The following MUC12 variants were observed in gnomAD, a reference collection of about 807,000 sequenced individuals.
MUC12 encodes the protein mucin 12, cell surface associated.
A neutral mutation model predicts 230.8 loss-of-function variants in MUC12; 172 were observed. The ratio of observed to expected loss-of-function variants is 0.75; its 90% CI spans 0.66 to 0.85. The LOEUF is 0.85. MUC12 is among the 40% of genes least tolerant of loss of function. The pLI, the probability that MUC12 is intolerant of heterozygous loss-of-function variation, is 0.00. For missense variants in MUC12, 3,506 were observed against 5,920.6 expected (o/e 0.59, Z 13.38); for synonymous variants, 1,259 against 2,401.9 (o/e 0.52, Z 13.91).
chr7:101,003,169 T>C lies in MUC12; in HGVS notation c.12606T>C (p.Leu4202=), dbSNP rs78185556. ...YSSPRSPDTT[L]SPASTTSSGV... ...GCCCCAGATCACCGGACACAACACT[T>C]TCACCTGCCAGCACGACAAGCTCAG... is the stretch of plus-strand genomic sequence containing the variant. The change falls in exon 2 of 12, where the codon CTT becomes CTC. Residue 4202 remains leucine (L), a synonymous_variant. Transcript: ENST00000536621. 298,646 of 804,282 alleles carry C rather than the reference T, an allele frequency of 0.37. 133,291 individuals are homozygous for C. The highest frequency in any genetic ancestry group is 0.7 in the Admixed American group (26,178 of 37,300). The allele number at this position is 804,282 out of a possible 1,614,324, so 49.8% of individuals were successfully genotyped here.
At chr7:100,977,175 C>T (rs536773301) in intron 1 of MUC12, among the ~76,000 whole-genome samples, 17 of 150,224 alleles carry the variant, frequency 1.1e-4, no homozygotes, top group African/African-American at 4.1e-4. Flanking sequence ...TTACCACTTG[C>T]TATAATTGGG....
chr7:101,015,239 A>C, intron 9 of MUC12: 1 of 240,948 alleles, frequency 4.2e-6, no homozygotes, highest in South Asian at 6.5e-5. Context: ...GGAAGCTGAG[A>C]TGGAGCGTCT....
chr7:101,008,261 G>A (rs993366012), intron 3 of MUC12, among the ~76,000 whole-genome samples: 2 of 152,094 alleles, frequency 1.3e-5, no homozygotes, highest in Middle Eastern at 3.4e-3. Context: ...CGAGTAGCTG[G>A]GACTACAGGC....
chr7:100,977,525 C>G (rs1302392593), intron 1 of MUC12, among the ~76,000 whole-genome samples: 1 of 152,028 alleles, frequency 6.6e-6, no homozygotes, highest in East Asian at 1.9e-4. Flanking sequence ...GCCACCACGC[C>G]CGGCTAAGTT....
rs1286750406 is a variant in MUC12 at position 101,005,264 on chromosome 7, A to G, written c.14701A>G (p.Ile4901Val). The G allele has an allele frequency of 6.5e-7, 1 of 1,537,820 alleles. No homozygotes were observed. Among genetic ancestry groups the G allele is most frequent in the Admixed American group, 2.0e-5 (1 of 51,008 alleles). Reference sequence around the variant, plus strand: ...ACCTGCCACCCTCACAACCACAGACATTGGTCAGGAATCAACAGCCTTCCA... The same window carrying G: ...ACCTGCCACCCTCACAACCACAGACGTTGGTCAGGAATCAACAGCCTTCCA... ...VLPATLTTTDIGQESTAFHSS... is the reference protein window; with the variant it reads ...VLPATLTTTDVGQESTAFHSS... Residue 4901 changes from isoleucine (I) to valine (V), a missense_variant, in exon 2 of 12, where the codon ATT (isoleucine) becomes GTT (valine). By Grantham distance (29) the Ile-to-Val change is conservative (BLOSUM62 3). Coordinates refer to ENST00000536621, the MANE Select transcript of MUC12 (RefSeq NM_001164462.2).
At position 100,990,683 on chromosome 7, in the gene MUC12, C is replaced by A. The variant is rs1319806710; in HGVS notation, c.120C>A (p.Pro40=). 2.6e-6 allele frequency: 4 copies of A among 1,537,650 alleles called. No homozygotes were observed. The highest frequency in any genetic ancestry group is 3.9e-5 in the Admixed American group (2 of 50,982). Residue 40 remains proline, a synonymous_variant, in exon 2 of 12, where the codon CCC becomes CCA. Transcript: ENST00000536621. ...GTAATACAACTTCTGCATCCACACC[C>A]AGTTCAAGCGACCCTTTTACCACCT... ...IGGNTTSAST[P]SSSDPFTTFS...
chr7:101,013,835 T>G (rs894238402), intron 8 of MUC12, 78 bp from the exon 9 acceptor site: 3 of 1,432,958 alleles, frequency 2.1e-6, no homozygotes, highest in Admixed American at 2.3e-5. Context: ...TTCCTGTGCT[T>G]AGGAGAGTGG....
intron 5 of MUC12, among the ~76,000 whole-genome samples, chr7:101,011,038 C>G (rs1302371329): frequency 2.0e-5 from 3 of 151,974 alleles, no homozygotes; most frequent in Admixed American, 6.6e-5. Flanking sequence ...TGGCTCAGGT[C>G]GGGGGTGAGG....
chr7:100,974,999 C>T (rs1167705494), intron 1 of MUC12, among the ~76,000 whole-genome samples: 5 of 152,304 alleles, frequency 3.3e-5, no homozygotes, highest in Admixed American at 2.6e-4. Context: ...AGGACAGGAG[C>T]CTCTCTTTGG....
At position 100,997,133 on chromosome 7, in the gene MUC12, C is replaced by G; in HGVS notation, c.6570C>G (p.Ser2190Arg). 1 of 267,256 alleles carries G rather than the reference C, an allele frequency of 3.7e-6. No homozygotes were observed. Among genetic ancestry groups the G allele is most frequent in the Non-Finnish European group, 5.3e-6 (1 of 188,862 alleles). 16.6% of individuals were successfully genotyped at this position (267,256 alleles called of 1,614,324 possible). The change falls in exon 2 of 12, where the codon AGC becomes AGG. Residue 2190 changes from serine to arginine, a missense_variant. Ser to Arg is a moderately radical substitution (Grantham distance 110). Coordinates refer to ENST00000536621, the MANE Select transcript of MUC12 (RefSeq NM_001164462.2). Reference protein sequence around the residue: ...LSEASTTFYSSPRSPTTTLSP... With the variant: ...LSEASTTFYSRPRSPTTTLSP... ...AGGCATCTACCACCTTCTACAGCAG[C>G]CCCAGATCACCAACCACAACACTCT... is the stretch of plus-strand genomic sequence containing the variant.
chr7:101,015,765 G>T, intron 10 of MUC12, 74 bp downstream of exon 10: 3 of 1,358,904 alleles, frequency 2.2e-6, no homozygotes, highest in South Asian at 2.6e-5. Flanking sequence ...CTGTGCCTGT[G>T]GGGGTGACGT....
rs1373582223 is a variant in MUC12, at chr7:101,005,380, C to T, written c.14817C>T (p.Ser4939=). The change falls in exon 2 of 12, where the codon AGC becomes AGT. Residue 4939 remains serine, a synonymous_variant. Coordinates refer to ENST00000536621, the MANE Select transcript of MUC12 (RefSeq NM_001164462.2). ...LVGEPTTFYI[S]PSPTYTTLFP... ...GAGAACCTACAACTTTCTACATCAG[C>T]CCATCCCCTACTTACACAACACTCT... is the stretch of plus-strand genomic sequence containing the variant. 1 of 1,537,880 alleles carries T rather than the reference C, an allele frequency of 6.5e-7. No individual in the cohort carries two copies.
Position 100,990,712 on chromosome 7 carries a change from G to A in MUC12, c.149G>A (p.Ser50Asn), listed in dbSNP as rs1208259717. The change falls in exon 2 of 12, where the codon AGT (serine) becomes AAT (asparagine). Residue 50 changes from serine to asparagine, a missense_variant. By Grantham distance (46) the Ser-to-Asn change is conservative (BLOSUM62 1). Coordinates refer to ENST00000536621, the MANE Select transcript of MUC12 (RefSeq NM_001164462.2). ...TCAAGCGACCCTTTTACCACCTTTA[G>A]TGACTATGGGGTGTCAGTCACATTT... ...PSSSDPFTTF[S>N]DYGVSVTFIT... 6.5e-7 allele frequency: 1 copy of A among 1,537,838 alleles called. No individual in the cohort carries two copies. Among genetic ancestry groups the A allele is most frequent in the Admixed American group, 2.0e-5 (1 of 50,988 alleles).
chr7:100,975,857 C>T lies in MUC12; in HGVS notation c.67+6168C>T, dbSNP rs73712024. On this transcript the variant is annotated intron_variant, in intron 1 of 11. Coordinates refer to ENST00000536621, the MANE Select transcript of MUC12 (RefSeq NM_001164462.2). Reference sequence around the variant, plus strand: ...TGGGATATTGGTAATCAGATTCCCTCGGGAAGATCAAATCTTGGGGTGGTA... The same window carrying T: ...TGGGATATTGGTAATCAGATTCCCTTGGGAAGATCAAATCTTGGGGTGGTA... Among the ~76,000 whole-genome samples the T allele has an allele frequency of 1.8e-4, 28 of 152,416 alleles. No individual in the cohort carries two copies. In the South Asian group the frequency reaches 5.0e-3, roughly 27 times the overall value.
chr7:100,974,664 A>G (rs1792987673), intron 1 of MUC12, among the ~76,000 whole-genome samples: 1 of 152,210 alleles, frequency 6.6e-6, no homozygotes, highest in Non-Finnish European at 1.5e-5. Flanking sequence ...TGCAAAAAAT[A>G]CCAGAAAAAA....
At chr7:100,982,582 A>G (rs1793125312) in intron 1 of MUC12, among the ~76,000 whole-genome samples, 1 of 151,790 alleles carries the variant, frequency 6.6e-6, no homozygotes, top group Non-Finnish European at 1.5e-5. Context: ...GACTACAGGG[A>G]CACAGCACCA....
In MUC12 at chr7:100,995,802, A is replaced by C. The variant is rs1366796909; in HGVS notation, c.5239A>C (p.Ser1747Arg). ...RSEESTTVHSSPVATATTPSP... is the reference protein window; with the variant it reads ...RSEESTTVHSRPVATATTPSP... ...TGAGGAATCGACAACAGTCCACAGCAGCCCAGTTGCAACTGCAACAACACC... is the reference window on the plus strand; with the variant it reads ...TGAGGAATCGACAACAGTCCACAGCCGCCCAGTTGCAACTGCAACAACACC... Residue 1747 changes from serine to arginine, a missense_variant, in exon 2 of 12, where the codon AGC becomes CGC. Physicochemically the swap from Ser to Arg is moderately radical, Grantham distance 110 (BLOSUM62 -1). Coordinates refer to ENST00000536621, the MANE Select transcript of MUC12 (RefSeq NM_001164462.2). The C allele has an allele frequency of 6.7e-7, 1 of 1,503,100 alleles. No individual in the cohort carries two copies. The highest frequency in any genetic ancestry group is 2.5e-5 in the East Asian group (1 of 40,314). 93.1% of individuals were successfully genotyped at this position (1,503,100 alleles called of 1,614,324 possible).
intron 10 of MUC12, 83 bp downstream of exon 10, chr7:101,015,774 G>T (rs2116364848): frequency 2.4e-6 from 3 of 1,246,516 alleles, no homozygotes; most frequent in South Asian, 1.3e-5. Context: ...TGGGGGTGAC[G>T]TGGGGTCCAG....
intron 5 of MUC12, among the ~76,000 whole-genome samples, chr7:101,011,312 C>T (rs1240547299): frequency 6.6e-6 from 1 of 152,170 alleles, no homozygotes; most frequent in African/African-American, 2.4e-5. Flanking sequence ...CTACTACTGA[C>T]TTATCTTTCA....
Sources: allele counts gnomAD v4.1 joint callset (sites outside exome capture counted in the v4.1 genomes callset), GRCh38; gene constraint gnomAD v4.1.1; transcripts MANE v1.5; gene names NCBI Gene and HGNC (gene_info 2026-07-23, HGNC 2026-07-21).